Variants in CSMD1 observed in about 807,000 individuals in gnomAD.
CSMD1 encodes CUB and sushi domain-containing protein 1.
Under a neutral mutation model 417.5 loss-of-function variants are expected in CSMD1, and 213 were observed. The ratio of observed to expected loss-of-function variants is 0.51; its 90% CI spans 0.46 to 0.57. CSMD1 has a LOEUF of 0.57. Among genes scored for constraint, CSMD1 ranks in the 20% least tolerant of loss-of-function variants. CSMD1 has a pLI of 0.00. For missense variants in CSMD1, 6,923 were observed against 4,529.7 expected (o/e 1.53, Z -15.17); for synonymous variants, 2,862 against 1,736.8 (o/e 1.65, Z -16.11).
At chr8:3,374,931 A>G (rs1219030662) in intron 18 of CSMD1, among the ~76,000 whole-genome samples, 1 of 152,206 alleles carries the variant, frequency 6.6e-6, no homozygotes, top group East Asian at 1.9e-4. Flanking sequence ...ATTGAATTCA[A>G]CAAGTTTATG....
chr8:4,199,338 G>A (rs372204282), intron 3 of CSMD1, among the ~76,000 whole-genome samples: 1 of 152,178 alleles, frequency 6.6e-6, no homozygotes, highest in African/African-American at 2.4e-5. Context: ...TGTATCTGAA[G>A]TCTACCTCTA....
chr8:3,427,548 G>A (rs546809617), intron 12 of CSMD1, among the ~76,000 whole-genome samples: 6 of 152,080 alleles, frequency 3.9e-5, no homozygotes, highest in African/African-American at 1.4e-4. Context: ...CATCAATATA[G>A]GTGTATGGAA....
chr8:3,195,589 G>C (rs1585621810), intron 33 of CSMD1, among the ~76,000 whole-genome samples: 3 of 152,254 alleles, frequency 2.0e-5, no homozygotes, highest in Admixed American at 2.0e-4. Flanking sequence ...AAATGACAAA[G>C]ATCCCTAAAC....
intron 10 of CSMD1, among the ~76,000 whole-genome samples, chr8:3,523,105 T>A (rs1291146791): frequency 1.3e-5 from 2 of 151,810 alleles, no homozygotes; most frequent in African/African-American, 2.4e-5. Flanking sequence ...ATATTATAGT[T>A]ACATCTGCAC....
At chr8:3,199,523 G>A (rs1170148119) in intron 33 of CSMD1, among the ~76,000 whole-genome samples, 191 bp downstream of exon 33, 1 of 152,054 alleles carries the variant, frequency 6.6e-6, no homozygotes, top group Non-Finnish European at 1.5e-5. Flanking sequence ...GTAGAAATAT[G>A]AGTTTCAACT....
intron 4 of CSMD1, among the ~76,000 whole-genome samples, chr8:4,020,078 T>G (rs989175114): frequency 1.3e-5 from 2 of 152,196 alleles, no homozygotes; most frequent in Non-Finnish European, 2.9e-5. Context: ...GAGACAGTAA[T>G]TATAGCAGCT....
At chr8:3,677,305 A>T (rs1323670006) in intron 7 of CSMD1, among the ~76,000 whole-genome samples, 6 of 152,240 alleles carry the variant, frequency 3.9e-5, no homozygotes, top group Non-Finnish European at 7.3e-5. Flanking sequence ...TGATTGATGT[A>T]ACAAAATGAC....
intron 23 of CSMD1, among the ~76,000 whole-genome samples, chr8:3,332,746 T>A (rs1466218336): frequency 6.6e-6 from 1 of 152,202 alleles, no homozygotes; most frequent in Non-Finnish European, 1.5e-5. Context: ...AAAACATTCC[T>A]AAATAGGAAA....
intron 3 of CSMD1, among the ~76,000 whole-genome samples, chr8:4,155,204 G>A (rs1796767385): frequency 6.6e-6 from 1 of 152,172 alleles, no homozygotes; most frequent in Admixed American, 6.5e-5. Flanking sequence ...TTTGCAGTTT[G>A]TAACAGAGCC....
At chr8:3,420,824 A>G (rs894721165) in intron 12 of CSMD1, among the ~76,000 whole-genome samples, 1 of 152,136 alleles carries the variant, frequency 6.6e-6, no homozygotes, top group African/African-American at 2.4e-5. Flanking sequence ...TTAAACACAT[A>G]AAGATGGTAC....
intron 1 of CSMD1, among the ~76,000 whole-genome samples, chr8:4,918,284 A>G (rs1272219080): frequency 6.6e-6 from 1 of 152,114 alleles, no homozygotes; most frequent in Non-Finnish European, 1.5e-5. Context: ...GGACAGACTT[A>G]TTTTTGTATT....
intron 37 of CSMD1, among the ~76,000 whole-genome samples, chr8:3,174,325 A>C (rs1460401): frequency 0.66 from 100,508 of 151,986 alleles, 34,582 homozygotes; most frequent in African/African-American, 0.85. Context: ...GAAAGCCTGT[A>C]TCTATTAAGA....
rs144637627 is a variant in CSMD1 at position 3,001,120 on chromosome 8, C to T, written c.8030-989G>A. Among the ~76,000 whole-genome samples, 146 of 152,088 alleles carry T rather than the reference C, an allele frequency of 9.6e-4. 1 individual carries two copies. Among genetic ancestry groups the T allele is most frequent in the Middle Eastern group, 3.4e-3 (1 of 292 alleles). ...TCAGCCTCCTGAGGAGATGGGACTA[C>T]GCCACCATGGTACATGCTGCCATGC... On this transcript the variant is annotated intron_variant, in intron 52 of 69. Coordinates refer to ENST00000635120, the MANE Select transcript of CSMD1 (RefSeq NM_033225.6).
intron 26 of CSMD1, among the ~76,000 whole-genome samples, chr8:3,277,638 T>C (rs1373377524): frequency 6.6e-6 from 1 of 152,126 alleles, no homozygotes; most frequent in Non-Finnish European, 1.5e-5. Context: ...GGGCCCAGGA[T>C]TGGGAAAAGC....
At chr8:4,366,755 C>T (rs1323181614) in intron 3 of CSMD1, among the ~76,000 whole-genome samples, 3 of 152,006 alleles carry the variant, frequency 2.0e-5, no homozygotes, top group South Asian at 2.1e-4. Context: ...ATGTGAACAA[C>T]GTGCACGTTA....
intron 12 of CSMD1, among the ~76,000 whole-genome samples, chr8:3,424,073 G>A (rs759425540): frequency 1.3e-5 from 2 of 152,086 alleles, no homozygotes; most frequent in South Asian, 2.1e-4. Flanking sequence ...TTTGTTTTAT[G>A]TTCAATGCAC....
At chr8:3,983,804 G>C (rs1003497574) in intron 5 of CSMD1, among the ~76,000 whole-genome samples, 3 of 152,134 alleles carry the variant, frequency 2.0e-5, no homozygotes, top group African/African-American at 7.2e-5. Context: ...TGATGGGGCT[G>C]TCAAATGCAG....
intron 12 of CSMD1, among the ~76,000 whole-genome samples, chr8:3,421,812 AT>A (rs892217229): frequency 5.9e-5 from 9 of 152,092 alleles, no homozygotes; most frequent in Non-Finnish European, 8.8e-5. Flanking sequence ...TAATTCTTGT[AT>A]TTTTCGTACA....
At chr8:3,881,553 C>T (rs1419077471) in intron 5 of CSMD1, among the ~76,000 whole-genome samples, 4 of 141,232 alleles carry the variant, frequency 2.8e-5, no homozygotes, top group Non-Finnish European at 6.0e-5. Flanking sequence ...TGCATTGAGC[C>T]AAGATGGAGC....
Sources: gnomAD v4.1 joint callset for allele counts (sites outside exome capture counted in the v4.1 genomes callset) on GRCh38, gnomAD v4.1.1 for gene constraint, MANE v1.5 for transcripts, NCBI Gene and HGNC (gene_info 2026-07-23, HGNC 2026-07-21) for gene names.